Variants in SLC11A2 observed in about 807,000 individuals in gnomAD.
SLC11A2 encodes solute carrier family 11 member 2.
In SLC11A2, 38 loss-of-function variants were observed where a neutral mutation model predicts 68.0. The ratio of observed to expected loss-of-function variants is 0.56; its 90% CI spans 0.43 to 0.73. The LOEUF is 0.73. SLC11A2 is among the 30% of genes least tolerant of loss of function. The pLI, the probability that SLC11A2 is intolerant of heterozygous loss-of-function variation, is 0.00. For synonymous variants in SLC11A2, 242 were observed against 250.6 expected (o/e 0.97, Z 0.32); for missense variants, 517 against 690.5 (o/e 0.75, Z 2.82).
chr12:50,996,598 G>T (rs922019274), intron 9 of SLC11A2, among the ~76,000 whole-genome samples: 4 of 146,968 alleles, frequency 2.7e-5, no homozygotes, highest in African/African-American at 1.0e-4. Context: ...AAAAAAAAAA[G>T]AACTTTAGCC....
At chr12:50,977,311 G>T (rs924713873), downstream of SLC11A2, among the ~76,000 whole-genome samples, 2 of 152,108 alleles carry the variant, frequency 1.3e-5, no homozygotes, top group South Asian at 4.2e-4. Flanking sequence ...TAGACCAATG[G>T]AACAGAACAG....
At position 51,004,793 on chromosome 12, in the gene SLC11A2, G is replaced by C. The variant is rs772816262; in HGVS notation, c.424C>G (p.Pro142Ala). The change falls in exon 5 of 16, where the codon CCC becomes GCC. Residue 142 changes from proline (P) to alanine (A), a missense_variant. Pro to Ala is a conservative substitution (Grantham distance 27). Coordinates refer to ENST00000262052, the MANE Select transcript of SLC11A2 (RefSeq NM_000617.3). ...CAGGACAATACATTGCTCACCTTGG[G>C]ATACTGACGGTGACATACTTCAGCA... ...HLAEVCHRQYPKVPRVILWLM... is the reference protein window; with the variant it reads ...HLAEVCHRQYAKVPRVILWLM... 23 of 1,613,790 alleles carry C rather than the reference G, an allele frequency of 1.4e-5. No homozygotes were observed. Among genetic ancestry groups the C allele is most frequent in the African/African-American group, 6.7e-5 (5 of 74,924 alleles).
intron 1 of SLC11A2, among the ~76,000 whole-genome samples, chr12:51,025,382 G>A (rs1266361046): frequency 6.6e-6 from 1 of 152,256 alleles, no homozygotes; most frequent in Non-Finnish European, 1.5e-5. Flanking sequence ...TTTTAAGTAC[G>A]TGGAACAAAA....
rs1280115135 is a variant in SLC11A2 at position 50,986,857 on chromosome 12, G to T, written c.*1468C>A. ...ATCCAGTCTGCGCTTTTGACTGTGT[G>T]CAAGTATCAGTAATAATGCTTTTGG... On this transcript the variant is annotated 3_prime_UTR_variant, in exon 16 of 16. Transcript: ENST00000262052. The T allele has an allele frequency of 7.8e-7, 1 of 1,287,064 alleles. No individual in the cohort carries two copies. The highest frequency in any genetic ancestry group is 1.0e-6 in the Non-Finnish European group (1 of 988,682). 79.7% of individuals were successfully genotyped at this position (1,287,064 alleles called of 1,614,324 possible).
chr12:50,955,643 A>T, the SLC11A2 span, among the ~76,000 whole-genome samples: 1 of 152,156 alleles, frequency 6.6e-6, no homozygotes, highest in African/African-American at 2.4e-5. Flanking sequence ...CATTATTCAC[A>T]TATCAAGAAA....
intron 5 of SLC11A2, among the ~76,000 whole-genome samples, chr12:51,003,444 G>A (rs566401215): frequency 3.2e-4 from 48 of 151,818 alleles, no homozygotes; most frequent in African/African-American, 9.4e-4. Flanking sequence ...GCTGAGGCAG[G>A]AGAATCCCTG....
chr12:50,962,255 AC>A, the SLC11A2 span, among the ~76,000 whole-genome samples: 1 of 151,636 alleles, frequency 6.6e-6, no homozygotes, highest in African/African-American at 2.4e-5. Flanking sequence ...ACACACACAC[AC>A]AAAATAGCTG....
intron 1 of SLC11A2, among the ~76,000 whole-genome samples, chr12:51,015,897 G>C (rs1943610608): frequency 1.3e-5 from 2 of 152,204 alleles, no homozygotes; most frequent in African/African-American, 4.8e-5. Flanking sequence ...CCATTCTCCT[G>C]CCTCAGCCTC....
At chr12:50,974,141 C>G in the SLC11A2 span, among the ~76,000 whole-genome samples, 5 of 152,034 alleles carry the variant, frequency 3.3e-5, no homozygotes, top group South Asian at 6.2e-4. Flanking sequence ...ACAGAGAATG[C>G]CACAAAGATA....
intron 1 of SLC11A2, chr12:51,024,355 A>G (rs1042584533): frequency 6.6e-6 from 1 of 152,138 alleles, no homozygotes; most frequent in Non-Finnish European, 1.5e-5. Flanking sequence ...ATTCAACAAC[A>G]CTCACCCAAA....
At chr12:50,994,658 C>T in intron 10 of SLC11A2, 28 bp from the exon 11 acceptor site, 3 of 1,441,104 alleles carry the variant, frequency 2.1e-6, no homozygotes, top group Non-Finnish European at 2.9e-6. Flanking sequence ...TCAACAGCAA[C>T]TTTTGTTTCA....
At chr12:50,954,525 T>C in the SLC11A2 span, among the ~76,000 whole-genome samples, 3 of 152,238 alleles carry the variant, frequency 2.0e-5, no homozygotes, top group East Asian at 1.9e-4. Context: ...CTTCTGTTTA[T>C]AGATTTTTCT....
intron 1 of SLC11A2, 114 bp from the exon 2 acceptor site, chr12:51,010,880 C>T (rs976803988): frequency 2.4e-5 from 12 of 495,224 alleles, no homozygotes; most frequent in Middle Eastern, 2.9e-4. Context: ...AGTAATTTTT[C>T]TACTGAATTA....
At chr12:50,993,188 TATTA>T in intron 11 of SLC11A2, 1 of 146,720 alleles carries the variant, frequency 6.8e-6, no homozygotes, top group African/African-American at 7.3e-5. Context: ...CCATCTTAAA[TATTA>T]AAAAAAAAAA....
chr12:51,004,724 T>A (rs1472692561), intron 5 of SLC11A2, 64 bp downstream of exon 5: 1 of 1,592,240 alleles, frequency 6.3e-7, no homozygotes, highest in Non-Finnish European at 8.6e-7. Flanking sequence ...GGCCAGCACA[T>A]ACCGCCAGAC....
At chr12:51,028,285 T>G (rs1159404910), upstream of SLC11A2, 1 of 1,346,918 alleles carries the variant, frequency 7.4e-7, no homozygotes, top group Non-Finnish European at 1.0e-6. Flanking sequence ...TGAAGACAAG[T>G]GCGCCTCCCT....
intron 8 of SLC11A2, among the ~76,000 whole-genome samples, chr12:50,997,805 T>C (rs1346130184): frequency 2.1e-5 from 3 of 140,472 alleles, no homozygotes; most frequent in African/African-American, 5.3e-5. Context: ...CTGGCAAACA[T>C]AGTGAAACCC....
chr12:51,016,681 CA>C (rs35475519), intron 1 of SLC11A2, among the ~76,000 whole-genome samples: 25 of 123,344 alleles, frequency 2.0e-4, no homozygotes, highest in Admixed American at 1.7e-4. Flanking sequence ...GACTCCATCT[CA>C]AAAAAAAAAA....
At chr12:51,013,451 C>T (rs1443697080) in intron 1 of SLC11A2, among the ~76,000 whole-genome samples, 1 of 151,650 alleles carries the variant, frequency 6.6e-6, no homozygotes, top group African/African-American at 2.4e-5. Context: ...CCACCGAGCC[C>T]GGCTAATTTT....
Sources: allele counts gnomAD v4.1 joint callset (sites outside exome capture counted in the v4.1 genomes callset), GRCh38; gene constraint gnomAD v4.1.1; transcripts MANE v1.5; gene names NCBI Gene and HGNC (gene_info 2026-07-23, HGNC 2026-07-21).